TIAM1: variants seen among roughly 807,000 people sequenced by gnomAD.
TIAM1 encodes rho guanine nucleotide exchange factor TIAM1.
A neutral mutation model predicts 163.5 loss-of-function variants in TIAM1; 65 were observed. The ratio of observed to expected loss-of-function variants is 0.40; its 90% CI spans 0.33 to 0.49. TIAM1 has a LOEUF of 0.49. Ranked by LOEUF, TIAM1 falls within the 20% of genes least tolerant of loss-of-function variation. The pLI, the probability that TIAM1 is intolerant of heterozygous loss-of-function variation, is 0.77. For missense variants in TIAM1, 1,789 were observed against 2,044.7 expected (o/e 0.87, Z 2.41); for synonymous variants, 833 against 810.1 (o/e 1.03, Z -0.48).
intron 1 of TIAM1, among the ~76,000 whole-genome samples, chr21:31,481,518 C>T (rs1180000229): frequency 6.6e-6 from 1 of 152,160 alleles, no homozygotes; most frequent in Non-Finnish European, 1.5e-5. Flanking sequence ...CAGACACCAG[C>T]TACAGATGGA....
chr21:31,557,164 C>T (rs1183417009), intron 1 of TIAM1, among the ~76,000 whole-genome samples: 2 of 152,206 alleles, frequency 1.3e-5, no homozygotes, highest in Non-Finnish European at 2.9e-5. Flanking sequence ...AATTCAAACA[C>T]ATTTTTAAAA....
intron 1 of TIAM1, among the ~76,000 whole-genome samples, chr21:31,483,310 G>A (rs922017737): frequency 2.0e-5 from 3 of 152,106 alleles, no homozygotes; most frequent in Non-Finnish European, 2.9e-5. Flanking sequence ...TGCACCCCAC[G>A]CTTCAACCCG....
chr21:31,275,276 T>C (rs1014259286), intron 3 of TIAM1, among the ~76,000 whole-genome samples: 5 of 152,202 alleles, frequency 3.3e-5, no homozygotes, highest in African/African-American at 4.8e-5. Flanking sequence ...TTTGGTATTT[T>C]CTAATGTTTT....
intron 1 of TIAM1, among the ~76,000 whole-genome samples, chr21:31,500,698 G>A (rs534291910): frequency 1.3e-5 from 2 of 152,282 alleles, no homozygotes; most frequent in East Asian, 3.9e-4. Flanking sequence ...ACAAAATGGA[G>A]GGAGGCCTCT....
intron 2 of TIAM1, among the ~76,000 whole-genome samples, chr21:31,404,267 A>T (rs1472708544): frequency 6.6e-6 from 1 of 152,228 alleles, no homozygotes; most frequent in East Asian, 1.9e-4. Flanking sequence ...CAAGGAGTTC[A>T]AGACCATAAA....
In TIAM1 at chr21:31,217,621, T is replaced by C; in HGVS notation, c.2074A>G (p.Arg692Gly). 6.2e-7 allele frequency: 1 copy of C among 1,614,114 alleles called. No homozygotes were observed. ...TCCAGACCCCACAGAGAAGAAAACC[T>C]GCTCCTTCGCTTGCTCGCGGATCTG... ...MSRSASKRRS[R>G]FSSLWGLDTT... Residue 692 changes from arginine to glycine, a missense_variant, in exon 9 of 28, where the codon AGG becomes GGG. Physicochemically the swap from Arg to Gly is moderately radical, Grantham distance 125. Transcript: ENST00000541036.
chr21:31,439,283 T>G (rs1045331326), intron 2 of TIAM1, among the ~76,000 whole-genome samples: 1 of 152,194 alleles, frequency 6.6e-6, no homozygotes, highest in Non-Finnish European at 1.5e-5. Context: ...CATTGTATTC[T>G]TTGTTTTTGT....
intron 3 of TIAM1, among the ~76,000 whole-genome samples, chr21:31,270,610 T>C (rs2073012862): frequency 6.6e-6 from 1 of 152,218 alleles, no homozygotes; most frequent in African/African-American, 2.4e-5. Flanking sequence ...TTCTTTCCAA[T>C]CTTCTAAGTC....
intron 15 of TIAM1, among the ~76,000 whole-genome samples, chr21:31,173,528 G>GAAAA (rs1479815580): frequency 7.8e-6 from 1 of 129,008 alleles, no homozygotes; most frequent in African/African-American, 3.6e-5. Flanking sequence ...GAGAGAGCGA[G>GAAAA]AGAAAGAGAG....
At chr21:31,312,284 C>T (rs1451975561) in intron 2 of TIAM1, among the ~76,000 whole-genome samples, 3 of 152,096 alleles carry the variant, frequency 2.0e-5, no homozygotes, top group Non-Finnish European at 2.9e-5. Flanking sequence ...GGGAGTTAAC[C>T]ACATTAAACA....
intron 2 of TIAM1, among the ~76,000 whole-genome samples, chr21:31,377,033 CTT>C (rs35487868): frequency 1.3e-3 from 102 of 80,952 alleles, no homozygotes; most frequent in African/African-American, 4.6e-3. Flanking sequence ...TCATTTTTGT[CTT>C]TTTTTTTTTT....
At chr21:31,297,645 A>G (rs1301317957) in intron 2 of TIAM1, among the ~76,000 whole-genome samples, 1 of 152,160 alleles carries the variant, frequency 6.6e-6, no homozygotes, top group African/African-American at 2.4e-5. Context: ...TGGCCTCCCA[A>G]AGTGCTGGGA....
At chr21:31,332,330 C>T (rs2075700989) in intron 2 of TIAM1, among the ~76,000 whole-genome samples, 2 of 152,258 alleles carry the variant, frequency 1.3e-5, no homozygotes. Context: ...ATCCATATTA[C>T]AGGCTTTGCC....
chr21:31,341,303 G>A (rs2076008920), intron 1 of TIAM1, among the ~76,000 whole-genome samples: 1 of 152,188 alleles, frequency 6.6e-6, no homozygotes, highest in African/African-American at 2.4e-5. Flanking sequence ...CAATTTTCCT[G>A]AGGCCACACA....
chr21:31,143,977 G>A (rs1315476875), intron 20 of TIAM1, among the ~76,000 whole-genome samples: 5 of 151,814 alleles, frequency 3.3e-5, no homozygotes. Context: ...CAAACGATCT[G>A]CCCACCTCGG....
At chr21:31,182,891 C>T (rs957163173) in intron 14 of TIAM1, among the ~76,000 whole-genome samples, 2 of 152,188 alleles carry the variant, frequency 1.3e-5, no homozygotes, top group Admixed American at 6.5e-5. Flanking sequence ...AAACTTACTC[C>T]TTCATTAATT....
At chr21:31,491,898 G>A (rs1276317322) in intron 1 of TIAM1, among the ~76,000 whole-genome samples, 1 of 152,274 alleles carries the variant, frequency 6.6e-6, no homozygotes, top group East Asian at 1.9e-4. Context: ...TTTCACGTAG[G>A]ACTCTCCATG....
chr21:31,437,359 G>T (rs943786083), intron 2 of TIAM1, among the ~76,000 whole-genome samples: 2 of 152,058 alleles, frequency 1.3e-5, no homozygotes, highest in Admixed American at 6.6e-5. Flanking sequence ...AAAATTAGCT[G>T]GACGTGGTGG....
intron 1 of TIAM1, among the ~76,000 whole-genome samples, chr21:31,478,575 C>T (rs1349479067): frequency 1.3e-5 from 2 of 152,180 alleles, no homozygotes; most frequent in Non-Finnish European, 2.9e-5. Flanking sequence ...CAGTATTCAC[C>T]AGCCAACGTG....
Sources: allele counts gnomAD v4.1 joint callset (sites outside exome capture counted in the v4.1 genomes callset), GRCh38; gene constraint gnomAD v4.1.1; transcripts MANE v1.5; gene names NCBI Gene and HGNC (gene_info 2026-07-23, HGNC 2026-07-21).